The following GABRE variants were observed in gnomAD, a reference collection of about 807,000 sequenced individuals.
GABRE encodes the protein gamma-aminobutyric acid receptor subunit epsilon.
A neutral mutation model predicts 31.0 loss-of-function variants in GABRE; 20 were observed. The observed-to-expected ratio is 0.64, with a 90% CI of 0.45 to 0.94. The LOEUF (loss-of-function observed/expected upper bound fraction) is 0.94, where lower values mean the gene tolerates loss of function less well. Among genes scored for constraint, GABRE ranks in the 40% least tolerant of loss-of-function variants. GABRE has a pLI of 0.00. For synonymous variants in GABRE, 155 were observed against 150.6 expected (o/e 1.03, Z -0.21); for missense variants, 420 against 410.7 (o/e 1.02, Z -0.20).
intron 1 of GABRE, 66 bp downstream of exon 1, chrX:151,974,504 C>G (rs1336051353): frequency 3.8e-6 from 3 of 780,017 alleles, no homozygotes; most frequent in South Asian, 2.7e-5. Context: ...TCCCGGGAGC[C>G]GTCCCGGCTC....
At chrX:151,961,701 C>G (rs1473234355) in intron 4 of GABRE, among the ~76,000 whole-genome samples, 1 of 111,572 alleles carries the variant, frequency 9.0e-6, no homozygotes, top group Non-Finnish European at 1.9e-5. Flanking sequence ...CTCAAGTGAT[C>G]TGCCTGCCTC....
chrX:151,969,547 C>T, intron 3 of GABRE, 122 bp downstream of exon 3: 1 of 679,600 alleles, frequency 1.5e-6, no homozygotes, highest in Non-Finnish European at 2.0e-6. Flanking sequence ...TCCCTTTCTC[C>T]CTCCAGAAAA....
At chrX:151,972,961 A>AC (rs751889021) in intron 1 of GABRE, among the ~76,000 whole-genome samples, 1 of 109,490 alleles carries the variant, frequency 9.1e-6, no homozygotes, top group Non-Finnish European at 1.9e-5. Flanking sequence ...TCTCTGCACT[A>AC]CCCCCTCCCA....
At chrX:151,961,965 T>C (rs926168557) in intron 4 of GABRE, among the ~76,000 whole-genome samples, 2 of 111,590 alleles carry the variant, frequency 1.8e-5, no homozygotes, top group Admixed American at 9.5e-5. Flanking sequence ...CCTGCCAACA[T>C]CCTCCCTGCT....
chrX:151,974,017 G>A (rs1349683054), intron 1 of GABRE, among the ~76,000 whole-genome samples: 1 of 111,036 alleles, frequency 9.0e-6, no homozygotes, highest in African/African-American at 3.3e-5. Context: ...CAGCGGCATG[G>A]GAAGCAAGTA....
chrX:151,972,585 G>A (rs1934744136), intron 1 of GABRE: 5 of 751,595 alleles, frequency 6.7e-6, no homozygotes, highest in Admixed American at 1.8e-4. Flanking sequence ...GTTTAAAAGT[G>A]CAGAGGCAAA....
intron 6 of GABRE, 188 bp from the exon 7 acceptor site, chrX:151,956,048 T>C (rs751362264): frequency 2.3e-6 from 1 of 443,272 alleles, no homozygotes; most frequent in East Asian, 3.8e-5. Context: ...GCAAGACCAA[T>C]GGCCAGTTGA....
chrX:151,965,878 G>C (rs1934509510), intron 3 of GABRE, among the ~76,000 whole-genome samples: 1 of 112,412 alleles, frequency 8.9e-6, no homozygotes, highest in Non-Finnish European at 1.9e-5. Context: ...GAAAAGAGCT[G>C]GCAGAGCCTG....
At chrX:151,960,425 A>C (rs1934329646) in intron 5 of GABRE, among the ~76,000 whole-genome samples, 1 of 111,994 alleles carries the variant, frequency 8.9e-6, no homozygotes, top group African/African-American at 3.2e-5. Flanking sequence ...ATGAGGTTGA[A>C]GGGGTTAAGG....
intron 1 of GABRE, chrX:151,971,075 G>A (rs776130125): frequency 1.2e-6 from 1 of 823,294 alleles, no homozygotes; most frequent in African/African-American, 2.2e-5. Flanking sequence ...AAAAGAAGAA[G>A]ATTAGTAAGA....
rs756797580 is a variant in GABRE at position 151,954,839 on chromosome X, G to A, written c.1383C>T (p.Pro461=). Reference sequence around the variant, plus strand: ...GCTGCCAGGTACTGCCCTCACAATCGGGGACCATGCAGAAGTACTTCTTAA... The same window carrying A: ...GCTGCCAGGTACTGCCCTCACAATCAGGGACCATGCAGAAGTACTTCTTAA... ...KRFKKYFCMV[P]DCEGSTWQQG... is the part of the protein sequence containing the mutation. The change falls in exon 9 of 9, where the codon CCC becomes CCT. Residue 461 remains proline, a synonymous_variant. Coordinates refer to ENST00000370328, the MANE Select transcript of GABRE (RefSeq NM_004961.4). The A allele has an allele frequency of 2.1e-5, 26 of 1,210,480 alleles. No homozygotes were observed. In the African/African-American group the frequency reaches 3.3e-4, roughly 15 times the overall value.
chrX:151,963,184 A>C (rs1357133467), intron 3 of GABRE, among the ~76,000 whole-genome samples: 4 of 112,018 alleles, frequency 3.6e-5, no homozygotes, highest in Non-Finnish European at 7.5e-5. Flanking sequence ...GGCATTTCTT[A>C]TTCTTTCTTG....
At chrX:151,973,567 C>T (rs1264384717) in intron 1 of GABRE, among the ~76,000 whole-genome samples, 1 of 111,308 alleles carries the variant, frequency 9.0e-6, no homozygotes, top group Non-Finnish European at 1.9e-5. Context: ...ACAAACAAGA[C>T]ACAAGCCCAG....
chrX:151,956,378 C>T (rs970679895), intron 6 of GABRE: 5 of 118,555 alleles, frequency 4.2e-5, no homozygotes, highest in Non-Finnish European at 8.8e-5. Flanking sequence ...AAAATGCCTT[C>T]GTGAGTGAGC....
At chrX:151,974,446 G>T in intron 1 of GABRE, 124 bp downstream of exon 1, 1 of 460,017 alleles carries the variant, frequency 2.2e-6, no homozygotes, top group Non-Finnish European at 3.5e-6. Flanking sequence ...CCGCGGTAGG[G>T]CCGGGGCAAA....
chrX:151,970,688 G>A lies in GABRE; in HGVS notation c.57-286C>T, dbSNP rs1934666763. On this transcript the variant is annotated intron_variant, in intron 1 of 8. Coordinates refer to ENST00000370328, the MANE Select transcript of GABRE (RefSeq NM_004961.4). ...CCTAGATTTTAAAAGAATGTTACACGTGAAATGAAGAGGGCATTTATGTCT... is the reference window on the plus strand; with the variant it reads ...CCTAGATTTTAAAAGAATGTTACACATGAAATGAAGAGGGCATTTATGTCT... The A allele has an allele frequency of 8.0e-5, 25 of 311,683 alleles. No homozygotes were observed. The South Asian group carries it at 1.4e-3, about 17-fold the overall frequency. The allele number at this position is 311,683 out of a possible 1,213,427, so 25.7% of individuals were successfully genotyped here.
chrX:151,972,048 T>G, intron 1 of GABRE: 1 of 753,754 alleles, frequency 1.3e-6, no homozygotes, highest in East Asian at 1.5e-4. Context: ...CCAAAAGGAT[T>G]TTTTTAAGCC....
At chrX:151,969,985 G>A (rs1044652539) in intron 2 of GABRE, 200 bp downstream of exon 2, 5 of 1,076,238 alleles carry the variant, frequency 4.6e-6, no homozygotes, top group Non-Finnish European at 6.0e-6. Context: ...AAAAACTGAG[G>A]GCGAGAGAAG....
chrX:151,974,659 G>A lies in GABRE; in HGVS notation c.-34C>T, dbSNP rs772350607. 5 of 1,098,127 alleles carry A rather than the reference G, an allele frequency of 4.6e-6. No individual in the cohort carries two copies. The highest frequency in any genetic ancestry group is 2.0e-5 in the South Asian group (1 of 50,073). The allele number at this position is 1,098,127 out of a possible 1,213,427, so 90.5% of individuals were successfully genotyped here. On this transcript the variant is annotated 5_prime_UTR_variant, in exon 1 of 9. Coordinates refer to ENST00000370328, the MANE Select transcript of GABRE (RefSeq NM_004961.4). ...AGACCGGCGCGACCACCTGCGCGGA[G>A]GTCGCGGCTCACGCTCTGGCCGCAC...
Sources: gnomAD v4.1 joint callset for allele counts (sites outside exome capture counted in the v4.1 genomes callset) on GRCh38, gnomAD v4.1.1 for gene constraint, MANE v1.5 for transcripts, NCBI Gene and HGNC (gene_info 2026-07-23, HGNC 2026-07-21) for gene names.